MIB1: variants seen among roughly 807,000 people sequenced by gnomAD.
MIB1 encodes E3 ubiquitin-protein ligase MIB1.
In MIB1, 278 loss-of-function variants were observed where a neutral mutation model predicts 124.5. The observed-to-expected ratio is 2.23, with a 90% CI of 2.02 to 2.47. The LOEUF (loss-of-function observed/expected upper bound fraction) is 2.47, where lower values mean the gene tolerates loss of function less well. Ranked by LOEUF, MIB1 falls within the 30% of genes most tolerant of loss-of-function variation. The pLI, the probability that MIB1 is intolerant of heterozygous loss-of-function variation, is 0.00. For missense variants in MIB1, 957 were observed against 1,254.4 expected, an observed-to-expected ratio of 0.76 and a Z score of 3.58; for synonymous variants, 446 against 429.4, an observed-to-expected ratio of 1.04 and a Z score of -0.48.
intron 10 of MIB1, among the ~76,000 whole-genome samples, chr18:21,805,085 T>C (rs2041688993): frequency 1.3e-5 from 2 of 152,154 alleles, no homozygotes; most frequent in Admixed American, 6.5e-5. Flanking sequence ...TGTTCTCAGC[T>C]CACTGCAACC....
chr18:21,800,355 A>T (rs2041637993), intron 9 of MIB1, among the ~76,000 whole-genome samples: 1 of 152,020 alleles, frequency 6.6e-6, no homozygotes, highest in African/African-American at 2.4e-5. Flanking sequence ...AGTACATAGC[A>T]GATGTGTATA....
At position 21,847,028 on chromosome 18, in the gene MIB1, C is replaced by A; in HGVS notation, c.2296C>A (p.Leu766Met). 6.2e-7 allele frequency: 1 copy of A among 1,614,110 alleles called. No homozygotes were observed. The highest frequency in any genetic ancestry group is 1.1e-5 in the South Asian group (1 of 91,080). The change falls in exon 16 of 21, where the codon CTG becomes ATG. Residue 766 changes from leucine to methionine, a missense_variant. Leu to Met is a conservative substitution (Grantham distance 15). Transcript: ENST00000261537. Reference sequence around the variant, plus strand: ...TTTCTTGGCAGCCAATGGTGCTGACCTGAGCATTCGAAATAAGAAGGGTCA... The same window carrying A: ...TTTCTTGGCAGCCAATGGTGCTGACATGAGCATTCGAAATAAGAAGGGTCA... ...ACFLAANGAD[L>M]SIRNKKGQSP...
intron 10 of MIB1, among the ~76,000 whole-genome samples, chr18:21,805,900 CTTTTTTTTTTT>C (rs35904303): frequency 1.3e-4 from 14 of 105,128 alleles, no homozygotes; most frequent in Non-Finnish European, 1.6e-4. Flanking sequence ...TCTTTCTTTC[CTTTTTTTTTTT>C]TTTTTTTTTT....
At chr18:21,803,674 C>T in intron 9 of MIB1, 1 of 353,812 alleles carries the variant, frequency 2.8e-6, no homozygotes, top group Non-Finnish European at 5.1e-6. Context: ...GATTGCCTAA[C>T]AGTTATTTCG....
intron 1 of MIB1, among the ~76,000 whole-genome samples, chr18:21,731,176 T>C (rs1462598099): frequency 6.6e-6 from 1 of 152,218 alleles, no homozygotes; most frequent in African/African-American, 2.4e-5. Flanking sequence ...GTATTGGTCT[T>C]GATTCCCCAC....
In MIB1 at chr18:21,741,472, G is replaced by GGGGCC; in HGVS notation, c.-112_-111insGGGCC. On this transcript the variant is annotated 5_prime_UTR_variant, in exon 1 of 21. Transcript: ENST00000261537. This position sits in a 1 kb window ranked among gnomAD's most constrained non-coding sequence, Gnocchi z 5.4. Reference sequence around the variant, plus strand: ...ATTCTCACGTCCCCCGGGGCTCGCTGCCGCCCCCGCCGACGCCTAGAGTCC... The same window carrying GGGGCC: ...ATTCTCACGTCCCCCGGGGCTCGCTGGGGCCCCGCCCCCGCCGACGCCTAGAGTCC... 1.7e-6 allele frequency: 1 copy of GGGGCC among 596,788 alleles called. No homozygotes were observed. Among genetic ancestry groups the GGGGCC allele is most frequent in the Non-Finnish European group, 2.4e-6 (1 of 424,966 alleles). 37.0% of individuals were successfully genotyped at this position (596,788 alleles called of 1,614,324 possible).
chr18:21,821,844 G>A (rs112873794), intron 12 of MIB1, among the ~76,000 whole-genome samples: 24 of 152,074 alleles, frequency 1.6e-4, no homozygotes, highest in East Asian at 1.9e-4. Context: ...CTCGTGATCC[G>A]CCTGTCTCGG....
At chr18:21,707,694 C>G (rs1209000860) in intron 1 of MIB1, among the ~76,000 whole-genome samples, 1 of 152,112 alleles carries the variant, frequency 6.6e-6, no homozygotes, top group South Asian at 2.1e-4. Flanking sequence ...TGCGATGGTC[C>G]GCGGCTTCAT....
At chr18:21,791,582 G>A in intron 7 of MIB1, 25 bp downstream of exon 7, 1 of 1,559,254 alleles carries the variant, frequency 6.4e-7, no homozygotes, top group Non-Finnish European at 8.8e-7. Flanking sequence ...AATAATTCTG[G>A]GCTAGAAATT....
chr18:21,767,070 T>G (rs1365563720), intron 2 of MIB1, among the ~76,000 whole-genome samples: 1 of 152,202 alleles, frequency 6.6e-6, no homozygotes, highest in Admixed American at 6.5e-5. Flanking sequence ...TCTGTAAGTA[T>G]GTAGTACTGT....
At chr18:21,810,250 G>C (rs2041756154) in intron 10 of MIB1, among the ~76,000 whole-genome samples, 1 of 151,992 alleles carries the variant, frequency 6.6e-6, no homozygotes, top group African/African-American at 2.4e-5. Flanking sequence ...AAAGAAGACA[G>C]ATAACTGGAA....
intron 12 of MIB1, among the ~76,000 whole-genome samples, chr18:21,835,840 A>ACACAAACAC (rs1555695330): frequency 0.077 from 8,283 of 107,906 alleles, 501 homozygotes; most frequent in Non-Finnish European, 0.094. Context: ...CACACACACA[A>ACACAAACAC]ACACACACGA....
At chr18:21,732,351 TAC>T (rs59731612) in intron 1 of MIB1, among the ~76,000 whole-genome samples, 28,770 of 140,796 alleles carry the variant, frequency 0.2, 3,484 homozygotes, top group African/African-American at 0.34. Flanking sequence ...ATTATATGTA[TAC>T]ACACACACAC....
At position 21,870,513 on chromosome 18, in the gene MIB1, G is replaced by A. The variant is rs1168760440; in HGVS notation, c.*5847G>A. 2 of 152,138 alleles carry A rather than the reference G, an allele frequency of 1.3e-5. No individual in the cohort carries two copies. Among genetic ancestry groups the A allele is most frequent in the East Asian group, 3.8e-4 (2 of 5,208 alleles). The allele number at this position is 152,138 out of a possible 1,614,324, so 9.4% of individuals were successfully genotyped here. A position where few individuals can be genotyped will look rare whatever the true frequency, so the allele number is the denominator to read the frequency against. On this transcript the variant is annotated 3_prime_UTR_variant, in exon 21 of 21. Transcript: ENST00000261537. Reference sequence around the variant, plus strand: ...GATAGGAAGTAACTTAACCAGTCTGGAAGATTCAGCTTTTTCTATAAAAAG... The same window carrying A: ...GATAGGAAGTAACTTAACCAGTCTGAAAGATTCAGCTTTTTCTATAAAAAG...
chr18:21,818,587 T>G (rs1002371697), intron 11 of MIB1, among the ~76,000 whole-genome samples: 1 of 152,096 alleles, frequency 6.6e-6, no homozygotes, highest in Non-Finnish European at 1.5e-5. Flanking sequence ...GAGGATCACT[T>G]GAGCACAGGA....
upstream of MIB1, among the ~76,000 whole-genome samples, chr18:21,736,910 C>T (rs772469369): frequency 7.2e-5 from 11 of 152,116 alleles, no homozygotes; most frequent in South Asian, 4.1e-4. Flanking sequence ...CTGAAAGTGA[C>T]GGGGAGAATG....
intron 18 of MIB1, among the ~76,000 whole-genome samples, chr18:21,855,718 T>C (rs2042220437): frequency 6.6e-6 from 1 of 152,146 alleles, no homozygotes; most frequent in South Asian, 2.1e-4. Flanking sequence ...TCCACATCAG[T>C]GGTTTTGTGC....
At chr18:21,814,447 G>T (rs2146472591) in intron 10 of MIB1, among the ~76,000 whole-genome samples, 1 of 151,820 alleles carries the variant, frequency 6.6e-6, no homozygotes, top group East Asian at 1.9e-4. Flanking sequence ...GACGTGCACG[G>T]TGGCTCACAC....
chr18:21,824,571 C>T (rs2041907974), intron 12 of MIB1, among the ~76,000 whole-genome samples: 1 of 151,952 alleles, frequency 6.6e-6, no homozygotes. Context: ...ACACCATATT[C>T]CTTGTAATAC....
Sources: gnomAD v4.1 joint callset for allele counts (sites outside exome capture counted in the v4.1 genomes callset) on GRCh38, gnomAD v4.1.1 for gene constraint, Gnocchi (gnomAD v3.1) non-coding constraint, MANE v1.5 for transcripts, NCBI Gene and HGNC (gene_info 2026-07-23, HGNC 2026-07-21) for gene names.